Variants in RAB11FIP3 observed in about 807,000 individuals in gnomAD.
RAB11FIP3 encodes rab11 family-interacting protein 3.
A neutral mutation model predicts 77.8 loss-of-function variants in RAB11FIP3; 17 were observed. The ratio of observed to expected loss-of-function variants is 0.22; its 90% CI spans 0.15 to 0.33. The LOEUF (loss-of-function observed/expected upper bound fraction) is 0.33, where lower values mean the gene tolerates loss of function less well. Ranked by LOEUF, RAB11FIP3 falls within the 10% of genes least tolerant of loss-of-function variation. The pLI is 1.00. For synonymous variants in RAB11FIP3, 437 were observed against 448.2 expected (o/e 0.98, Z 0.31); for missense variants, 1,005 against 1,011.2 (o/e 0.99, Z 0.08).
intron 3 of RAB11FIP3, chr16:474,822 C>T: frequency 7.1e-7 from 1 of 1,415,020 alleles, no homozygotes; most frequent in Non-Finnish European, 9.2e-7. Flanking sequence ...TTGCCTTCCC[C>T]TCCCTGGGCA....
intron 9 of RAB11FIP3, among the ~76,000 whole-genome samples, chr16:517,264 C>T (rs911869373): frequency 4.6e-5 from 7 of 152,016 alleles, no homozygotes; most frequent in Admixed American, 3.3e-4. Flanking sequence ...GACCAGGGGA[C>T]GGAGGAGACA....
rs1268747747 is a variant in RAB11FIP3 at position 426,284 on chromosome 16, G to A, written c.278G>A (p.Arg93His). Residue 93 changes from arginine to histidine, a missense_variant, in exon 1 of 14, where the codon CGC becomes CAC. Physicochemically the swap from Arg to His is conservative, Grantham distance 29. Coordinates refer to ENST00000262305, the MANE Select transcript of RAB11FIP3 (RefSeq NM_014700.4). The surrounding 1 kb of genome is among the most constrained non-coding windows in gnomAD (Gnocchi z 5.0). ...CCCGGGCCGTCCGCCCCGCCGCCGCGCTCCGGCCCGCGGGGGCAGCTTGCG... is the reference window on the plus strand; with the variant it reads ...CCCGGGCCGTCCGCCCCGCCGCCGCACTCCGGCCCGCGGGGGCAGCTTGCG... ...RDPGPSAPPP[R>H]SGPRGQLASP... The A allele has an allele frequency of 4.0e-6, 5 of 1,235,792 alleles. No homozygotes were observed. Among genetic ancestry groups the A allele is most frequent in the East Asian group, 6.4e-5 (2 of 31,008 alleles). 76.6% of individuals were successfully genotyped at this position (1,235,792 alleles called of 1,614,324 possible). A position where few individuals can be genotyped will look rare whatever the true frequency, so the allele number is the denominator to read the frequency against.
intron 2 of RAB11FIP3, among the ~76,000 whole-genome samples, chr16:464,140 A>G (rs1032212304): frequency 6.6e-6 from 1 of 152,136 alleles, no homozygotes; most frequent in Admixed American, 6.5e-5. Flanking sequence ...CTGCAGAGCA[A>G]TGGGCAGAGT....
intron 1 of RAB11FIP3, among the ~76,000 whole-genome samples, chr16:442,933 G>C (rs902505271): frequency 9.2e-5 from 14 of 152,148 alleles, no homozygotes; most frequent in African/African-American, 3.4e-4. Flanking sequence ...GGGTGGGTTG[G>C]TTTACTTTAC....
In RAB11FIP3 at chr16:426,033, C is replaced by T. The variant is rs2054933638; in HGVS notation, c.27C>T (p.Pro9=). 2 of 995,506 alleles carry T rather than the reference C, an allele frequency of 2.0e-6. No homozygotes were observed. The highest frequency in any genetic ancestry group is 4.5e-5 in the South Asian group (1 of 22,240). 61.7% of individuals were successfully genotyped at this position (995,506 alleles called of 1,614,324 possible). The part of the protein sequence containing the change: MASAPPAS[P]PGSEPPGPDP... ...TGGCGTCGGCCCCGCCGGCCTCGCC[C>T]CCGGGCTCGGAGCCGCCGGGGCCCG... The change falls in exon 1 of 14, where the codon CCC becomes CCT. Residue 9 remains proline, a synonymous_variant. Transcript: ENST00000262305. The surrounding 1 kb of genome is among the most constrained non-coding windows in gnomAD (Gnocchi z 5.0).
In RAB11FIP3 at chr16:429,334, A is replaced by AT. The variant is rs974536655; in HGVS notation, c.714+2621dup. 3.3e-5 allele frequency among the ~76,000 whole-genome samples: 5 copies of AT among 152,006 alleles called. No individual in the cohort carries two copies. The South Asian group carries it at 8.3e-4, about 25-fold the overall frequency. On this transcript the variant is annotated intron_variant, in intron 1 of 13. Transcript: ENST00000262305. ...ACCGATTCTTTTAAAGACATTAATGATTTTTTTAAAAACGCTAGGGAACAG... is the reference window on the plus strand; with the variant it reads ...ACCGATTCTTTTAAAGACATTAATGATTTTTTTTAAAAACGCTAGGGAACAG...
intron 1 of RAB11FIP3, among the ~76,000 whole-genome samples, chr16:444,952 A>C (rs1224265736): frequency 6.6e-6 from 1 of 151,568 alleles, no homozygotes; most frequent in East Asian, 1.9e-4. Context: ...GTCTCTACTA[A>C]AAATACAAAA....
intron 1 of RAB11FIP3, among the ~76,000 whole-genome samples, chr16:435,204 C>CAAAAAAAAAA (rs371438435): frequency 1.2e-5 from 1 of 83,152 alleles, no homozygotes; most frequent in African/African-American, 4.5e-5. Context: ...GACTCCGTCT[C>CAAAAAAAAAA]AAAAAAAAAA....
At chr16:495,912 G>A (rs1044047834) in intron 5 of RAB11FIP3, among the ~76,000 whole-genome samples, 3 of 152,034 alleles carry the variant, frequency 2.0e-5, no homozygotes, top group East Asian at 1.9e-4. Flanking sequence ...CACCATTCCC[G>A]GTTATTTTTG....
chr16:437,668 A>C (rs560750311), intron 1 of RAB11FIP3, among the ~76,000 whole-genome samples: 1 of 152,278 alleles, frequency 6.6e-6, no homozygotes, highest in East Asian at 1.9e-4. Context: ...AGTACACTGA[A>C]CTGATAACTA....
intron 1 of RAB11FIP3, among the ~76,000 whole-genome samples, chr16:444,390 G>T (rs1006332643): frequency 1.3e-5 from 2 of 152,148 alleles, no homozygotes; most frequent in African/African-American, 4.8e-5. Context: ...TCTCTTTTGT[G>T]CTGACTTAAA....
intron 8 of RAB11FIP3, among the ~76,000 whole-genome samples, chr16:508,444 G>A (rs1384028936): frequency 6.6e-6 from 1 of 152,152 alleles, no homozygotes; most frequent in Non-Finnish European, 1.5e-5. Context: ...CACAATCTCC[G>A]CTCACGGCAA....
chr16:511,725 G>C (rs1308858288), intron 9 of RAB11FIP3, among the ~76,000 whole-genome samples: 1 of 111,574 alleles, frequency 9.0e-6, no homozygotes, highest in Non-Finnish European at 1.7e-5. Flanking sequence ...GGCCAGGTAG[G>C]AGAGGTTCTT....
intron 1 of RAB11FIP3, among the ~76,000 whole-genome samples, chr16:450,595 T>C (rs1048065945): frequency 9.2e-5 from 14 of 152,214 alleles, no homozygotes; most frequent in African/African-American, 3.1e-4. Context: ...CCCAGGACAC[T>C]GCAGCGGCTA....
intron 1 of RAB11FIP3, among the ~76,000 whole-genome samples, chr16:433,514 C>T (rs1340584169): frequency 1.3e-5 from 2 of 151,882 alleles, no homozygotes; most frequent in Non-Finnish European, 1.5e-5. Flanking sequence ...TTTCCTTCCA[C>T]GTTGCTGCAA....
chr16:473,466 A>G (rs1318356865), intron 3 of RAB11FIP3, among the ~76,000 whole-genome samples: 1 of 152,186 alleles, frequency 6.6e-6, no homozygotes, highest in Admixed American at 6.5e-5. Flanking sequence ...GGTCTGCTCT[A>G]TTACTCAGGC....
At chr16:438,659 C>T (rs1264742391) in intron 1 of RAB11FIP3, among the ~76,000 whole-genome samples, 1 of 150,874 alleles carries the variant, frequency 6.6e-6, no homozygotes, top group Non-Finnish European at 1.5e-5. Context: ...GCTGGGATTA[C>T]AGGCATGAGC....
chr16:477,771 G>A, intron 3 of RAB11FIP3: 1 of 734,840 alleles, frequency 1.4e-6, no homozygotes, highest in South Asian at 6.2e-5. Flanking sequence ...GATTGTAGGG[G>A]AGATTATAAT....
intron 5 of RAB11FIP3, among the ~76,000 whole-genome samples, chr16:495,123 C>G (rs1032034366): frequency 6.6e-6 from 1 of 151,410 alleles, no homozygotes; most frequent in African/African-American, 2.5e-5. Context: ...AAAGATAATG[C>G]AAACAAACAA....
Sources: allele counts gnomAD v4.1 joint callset (sites outside exome capture counted in the v4.1 genomes callset), GRCh38; gene constraint gnomAD v4.1.1; non-coding constraint Gnocchi (gnomAD v3.1); transcripts MANE v1.5; gene names NCBI Gene and HGNC (gene_info 2026-07-23, HGNC 2026-07-21).